The following CCDC183 variants were observed in gnomAD, a reference collection of about 807,000 sequenced individuals.
CCDC183 encodes the protein coiled-coil domain-containing protein 183.
A neutral mutation model predicts 65.2 loss-of-function variants in CCDC183; 63 were observed. That is an observed-to-expected ratio of 0.97 (90% CI 0.79 to 1.19). The LOEUF (loss-of-function observed/expected upper bound fraction) is 1.19, where lower values mean the gene tolerates loss of function less well. Ranked by LOEUF, CCDC183 falls within the 50% of genes most tolerant of loss-of-function variation. The pLI is 0.00. For missense variants in CCDC183, 769 were observed against 689.3 expected (o/e 1.12, Z -1.30); for synonymous variants, 323 against 276.5 (o/e 1.17, Z -1.67).
Position 136,804,539 on chromosome 9 carries a change from A to T in CCDC183, c.704A>T (p.Glu235Val). ...CAAAGGGAGGCGTCCTTCATCGAGG[A>T]GCGCCGGGCAAGGGAGAACCGGCTC... ...MRQREASFIE[E>V]RRARENRLNQ... Residue 235 changes from glutamate to valine, a missense_variant, in exon 7 of 14, where the codon GAG becomes GTG. By Grantham distance (121) the Glu-to-Val change is moderately radical. Transcript: ENST00000338005. This position sits in a 1 kb window ranked among gnomAD's most constrained non-coding sequence, Gnocchi z 4.1. 6.2e-7 allele frequency: 1 copy of T among 1,613,428 alleles called. No homozygotes were observed. The highest frequency in any genetic ancestry group is 1.1e-5 in the South Asian group (1 of 91,082).
chr9:136,803,485 G>T (rs535127418), intron 6 of CCDC183, among the ~76,000 whole-genome samples: 1 of 152,144 alleles, frequency 6.6e-6, no homozygotes, highest in Admixed American at 6.5e-5. Flanking sequence ...GGGCCAGGGC[G>T]GGGGTCACCT....
At chr9:136,805,696 G>A (rs370604674) in intron 9 of CCDC183, 4 of 556,130 alleles carry the variant, frequency 7.2e-6, no homozygotes, top group Non-Finnish European at 1.3e-5. Flanking sequence ...CCTAACCACT[G>A]CCCTGACACA....
Position 136,800,181 on chromosome 9 carries a change from G to A in CCDC183, c.438+12G>A, listed in dbSNP as rs1847715637. On this transcript the variant is annotated intron_variant, in intron 4 of 13. Coordinates refer to ENST00000338005, the MANE Select transcript of CCDC183 (RefSeq NM_001039374.5). The stretch of plus-strand genomic sequence containing the variant: ...TGCGGCTGCTGCAGGTGGAGAGGCG[G>A]GGCTGGGAGGGCGGGGCGGAGTCCA... 1 of 1,514,362 alleles carries A rather than the reference G, an allele frequency of 6.6e-7. No homozygotes were observed. The highest frequency in any genetic ancestry group is 8.8e-7 in the Non-Finnish European group (1 of 1,130,956). 93.8% of individuals were successfully genotyped at this position (1,514,362 alleles called of 1,614,324 possible).
In CCDC183 at chr9:136,806,998, A is replaced by G; in HGVS notation, c.1418A>G (p.Glu473Gly). ...GACACAAAGGTGAGGGACACCCTGGAGTCCTCGACTCTGATGGAGAAGTAC... is the reference window on the plus strand; with the variant it reads ...GACACAAAGGTGAGGGACACCCTGGGGTCCTCGACTCTGATGGAGAAGTAC... Reference protein sequence around the residue: ...EGDTKVRDTLESSTLMEKYNT... With the variant: ...EGDTKVRDTLGSSTLMEKYNT... The change falls in exon 13 of 14, where the codon GAG becomes GGG. Residue 473 changes from glutamate (E) to glycine (G), a missense_variant. Glu to Gly is a moderately conservative substitution (Grantham distance 98, BLOSUM62 -2). Coordinates refer to ENST00000338005, the MANE Select transcript of CCDC183 (RefSeq NM_001039374.5). The G allele has an allele frequency of 6.2e-7, 1 of 1,613,706 alleles. No individual in the cohort carries two copies. Among genetic ancestry groups the G allele is most frequent in the Non-Finnish European group, 8.5e-7 (1 of 1,180,016 alleles).
At chr9:136,799,057 C>T in intron 1 of CCDC183, 45 bp from the exon 2 acceptor site, 3 of 1,609,646 alleles carry the variant, frequency 1.9e-6, no homozygotes, top group Non-Finnish European at 2.5e-6. Context: ...CAGGCCAGGC[C>T]CTTGGCCCAA....
Position 136,804,326 on chromosome 9 carries a change from C to T in CCDC183, c.667-176C>T. 1.2e-6 allele frequency: 1 copy of T among 805,654 alleles called. No homozygotes were observed. Among genetic ancestry groups the T allele is most frequent in the Non-Finnish European group, 1.9e-6 (1 of 528,794 alleles). The allele number at this position is 805,654 out of a possible 1,614,324, so 49.9% of individuals were successfully genotyped here. ...TGCTCTGAGGCATGGGCAAGGAGGG[C>T]CGTGAGCTGAGGGGCCACGGGCACA... On this transcript the variant is annotated intron_variant, in intron 6 of 13. Transcript: ENST00000338005. The surrounding 1 kb of genome is among the most constrained non-coding windows in gnomAD (Gnocchi z 4.1).
Position 136,800,487 on chromosome 9 carries a change from GAA to G in CCDC183, c.538_539del (p.Lys180AspfsTer9). 1 of 1,606,320 alleles carries G rather than the reference GAA, an allele frequency of 6.2e-7. No individual in the cohort carries two copies. Among genetic ancestry groups the G allele is most frequent in the East Asian group, 2.2e-5 (1 of 44,740 alleles). ...LLYLDLLDYL[K>X]TVLAGYPIEL... The stretch of plus-strand genomic sequence containing the variant: ...TGTATTTGGACCTGCTGGATTATCT[GAA>G]GACAGTGAGCCCAGCGGCCCGGGAA... On this transcript the variant is annotated frameshift_variant, in exon 5 of 14. Transcript: ENST00000338005. LOFTEE classifies it high-confidence loss of function.
chr9:136,807,660 G>A lies in CCDC183; in HGVS notation c.1575G>A (p.Lys525=). The part of the protein sequence containing the change: ...KRQAQRLIEG[K]LKAAKKKKK ...AGGCGCAGCGGCTAATCGAGGGGAA[G>A]CTCAAGGCGGCCAAGAAAAAGAAGA... The change falls in exon 14 of 14, where the codon AAG becomes AAA. Residue 525 remains lysine (K), a synonymous_variant. Transcript: ENST00000338005. 6.2e-7 allele frequency: 1 copy of A among 1,603,696 alleles called. No homozygotes were observed. The highest frequency in any genetic ancestry group is 1.3e-5 in the African/African-American group (1 of 74,612).
Position 136,802,844 on chromosome 9 carries a change from A to C in CCDC183, c.666+58A>C. 5.6e-6 allele frequency: 3 copies of C among 535,280 alleles called. No homozygotes were observed. The South Asian group carries it at 6.7e-5, about 12-fold the overall frequency. The allele number at this position is 535,280 out of a possible 1,614,324, so 33.2% of individuals were successfully genotyped here. ...AGGGCCAGCCCTCTTGGATCTTCGGATGGGGTCAAGGTGAGCTCAGGGCCC... is the reference window on the plus strand; with the variant it reads ...AGGGCCAGCCCTCTTGGATCTTCGGCTGGGGTCAAGGTGAGCTCAGGGCCC... On this transcript the variant is annotated intron_variant, in intron 6 of 13. Coordinates refer to ENST00000338005, the MANE Select transcript of CCDC183 (RefSeq NM_001039374.5).
intron 1 of CCDC183, among the ~76,000 whole-genome samples, chr9:136,798,146 C>T (rs922727203): frequency 6.6e-5 from 10 of 152,020 alleles, no homozygotes; most frequent in Non-Finnish European, 1.0e-4. Flanking sequence ...GCTGGGATTA[C>T]AGGTGCCCAC....
At position 136,804,850 on chromosome 9, in the gene CCDC183, G is replaced by C. The variant is rs758965362; in HGVS notation, c.847+34G>C. 5.0e-6 allele frequency: 8 copies of C among 1,595,094 alleles called. No individual in the cohort carries two copies. Among genetic ancestry groups the C allele is most frequent in the Non-Finnish European group, 6.9e-6 (8 of 1,163,502 alleles). On this transcript the variant is annotated intron_variant, in intron 8 of 13. Coordinates refer to ENST00000338005, the MANE Select transcript of CCDC183 (RefSeq NM_001039374.5). The surrounding 1 kb of genome is among the most constrained non-coding windows in gnomAD (Gnocchi z 4.1). ...TCAGCTCCCCACCTGCCCCCAGCCAGGGTCCCAAGGAGAGGCTGGCACTGA... is the reference window on the plus strand; with the variant it reads ...TCAGCTCCCCACCTGCCCCCAGCCACGGTCCCAAGGAGAGGCTGGCACTGA...
rs944334790 is a variant in CCDC183, at chr9:136,806,678, G to A, written c.1278+6G>A. On this transcript the variant is annotated splice_donor_region_variant and intron_variant, in intron 11 of 13. Transcript: ENST00000338005. ...TTAACTTGCCTGCGACCCAGGTACCGGGAGTGAGGCTGAGCTGCCACACAC... is the reference window on the plus strand; with the variant it reads ...TTAACTTGCCTGCGACCCAGGTACCAGGAGTGAGGCTGAGCTGCCACACAC... 21 of 1,613,148 alleles carry A rather than the reference G, an allele frequency of 1.3e-5. No individual in the cohort carries two copies. The highest frequency in any genetic ancestry group is 1.2e-4 in the African/African-American group (9 of 74,924).
intron 13 of CCDC183, 95 bp downstream of exon 13, chr9:136,807,161 G>C: frequency 9.1e-7 from 1 of 1,099,814 alleles, no homozygotes; most frequent in Non-Finnish European, 1.4e-6. Context: ...ACATCCTGGA[G>C]GGACAGCGGG....
intron 8 of CCDC183, chr9:136,805,047 CCA>C (rs1415225611): frequency 1.7e-6 from 1 of 598,270 alleles, no homozygotes; most frequent in Non-Finnish European, 3.0e-6. Flanking sequence ...GGCCCAGTCC[CCA>C]GTGACTCTGC....
Position 136,804,915 on chromosome 9 carries a change from A to C in CCDC183, c.847+99A>C. 9.5e-7 allele frequency: 1 copy of C among 1,052,720 alleles called. No homozygotes were observed. Among genetic ancestry groups the C allele is most frequent in the Non-Finnish European group, 1.4e-6 (1 of 696,702 alleles). The allele number at this position is 1,052,720 out of a possible 1,614,324, so 65.2% of individuals were successfully genotyped here. A position where few individuals can be genotyped will look rare whatever the true frequency, so the allele number is the denominator to read the frequency against. On this transcript the variant is annotated intron_variant, in intron 8 of 13. Coordinates refer to ENST00000338005, the MANE Select transcript of CCDC183 (RefSeq NM_001039374.5). The surrounding 1 kb of genome is among the most constrained non-coding windows in gnomAD (Gnocchi z 4.1). ...TCAAGTCACCCTGAGGCCAGGTGTGACATGTGGTCGCCAGGGTGAAGGGAA... is the reference window on the plus strand; with the variant it reads ...TCAAGTCACCCTGAGGCCAGGTGTGCCATGTGGTCGCCAGGGTGAAGGGAA...
At position 136,802,671 on chromosome 9, in the gene CCDC183, CA is replaced by C. The variant is rs747795757; in HGVS notation, c.552del (p.Gly185AspfsTer23). ...DLLDYLKTVLAGYPIELDKLQ... is the reference protein window; with the variant it reads ...DLLDYLKTVLXGYPIELDKLQ... ...GAACCCCATTCAACACAGGTGCTGG[CA>C]GGATACCCCATTGAGCTGGACAAGC... On this transcript the variant is annotated frameshift_variant, in exon 6 of 14. Coordinates refer to ENST00000338005, the MANE Select transcript of CCDC183 (RefSeq NM_001039374.5). LOFTEE classifies it high-confidence loss of function. 1.8e-4 allele frequency: 296 copies of C among 1,610,956 alleles called. No homozygotes were observed. Among genetic ancestry groups the C allele is most frequent in the Non-Finnish European group, 2.4e-4 (286 of 1,178,780 alleles).
chr9:136,796,561 C>G, intron 1 of CCDC183, 94 bp downstream of exon 1: 1 of 846,388 alleles, frequency 1.2e-6, no homozygotes, highest in Non-Finnish European at 1.9e-6. Context: ...CAGATTGTTA[C>G]TGTCTATGTA....
chr9:136,806,007 C>A, intron 9 of CCDC183, 71 bp from the exon 10 acceptor site: 1 of 1,310,188 alleles, frequency 7.6e-7, no homozygotes, highest in Non-Finnish European at 1.0e-6. Context: ...CCAGAAGAAA[C>A]CAGTTCTGTG....
chr9:136,807,343 C>A (rs938013788), intron 13 of CCDC183: 14 of 662,896 alleles, frequency 2.1e-5, no homozygotes, highest in Non-Finnish European at 3.5e-5. Context: ...CAGGGAGGAG[C>A]GCGGTGAAGG....
Sources: allele counts gnomAD v4.1 joint callset (sites outside exome capture counted in the v4.1 genomes callset), GRCh38; gene constraint gnomAD v4.1.1; non-coding constraint Gnocchi (gnomAD v3.1); transcripts MANE v1.5; gene names NCBI Gene and HGNC (gene_info 2026-07-23, HGNC 2026-07-21).